MAP3K4: variants seen among roughly 807,000 people sequenced by gnomAD.
The protein encoded by MAP3K4 is mitogen-activated protein kinase kinase kinase 4, also known as MAP three kinase 1.
MAP3K4 carries 67 observed loss-of-function variants against 185.6 expected under a neutral mutation model. The observed-to-expected ratio is 0.36, with a 90% CI of 0.30 to 0.44. The LOEUF is 0.44. Among genes scored for constraint, MAP3K4 ranks in the 20% least tolerant of loss-of-function variants. The pLI is 1.00. For missense variants in MAP3K4, 1,551 were observed against 1,995.1 expected (o/e 0.78, Z 4.24); for synonymous variants, 702 against 710.4 (o/e 0.99, Z 0.19).
rs1777826630 is a variant in MAP3K4, at chr6:161,101,242, G to T, written c.3675-650G>T. ...TCTGGAAAAGCACCTCATTAACTTT[G>T]TTCTTTAATATATTAAGCTTCCTGC... is the stretch of plus-strand genomic sequence containing the variant. On this transcript the variant is annotated intron_variant, in intron 17 of 26. Transcript: ENST00000392142. This position sits in a 1 kb window ranked among gnomAD's most constrained non-coding sequence, Gnocchi z 5.1. 6.6e-6 allele frequency: 1 copy of T among 152,038 alleles called. No homozygotes were observed. Among genetic ancestry groups the T allele is most frequent in the Non-Finnish European group, 1.5e-5 (1 of 67,994 alleles). The allele number at this position is 152,038 out of a possible 1,614,324, so 9.4% of individuals were successfully genotyped here. A position where few individuals can be genotyped will look rare whatever the true frequency, so the allele number is the denominator to read the frequency against.
chr6:160,993,776 CTG>C (rs1444590069), intron 1 of MAP3K4, among the ~76,000 whole-genome samples: 1 of 151,780 alleles, frequency 6.6e-6, no homozygotes, highest in Non-Finnish European at 1.5e-5. Context: ...AGGCTTCTGT[CTG>C]TGTTATAATA....
Position 161,064,732 on chromosome 6 carries a change from A to G in MAP3K4, c.1708-5876A>G, listed in dbSNP as rs2114800077. 6.6e-6 allele frequency among the ~76,000 whole-genome samples: 1 copy of G among 152,334 alleles called. No homozygotes were observed. On this transcript the variant is annotated intron_variant, in intron 3 of 26. Transcript: ENST00000392142. The surrounding 1 kb of genome is among the most constrained non-coding windows in gnomAD (Gnocchi z 4.3). ...TGTAATTACATTGCATGGTCTTAATATAGAATCTCTAAGATGGAGAGCACC... is the reference window on the plus strand; with the variant it reads ...TGTAATTACATTGCATGGTCTTAATGTAGAATCTCTAAGATGGAGAGCACC...
rs756458081 is a variant in MAP3K4, at chr6:161,034,299, G to A, written c.193G>A (p.Glu65Lys). Residue 65 changes from glutamate to lysine, a missense_variant, in exon 2 of 27, where the codon GAA (glutamate) becomes AAA (lysine). Glu to Lys is a moderately conservative substitution (Grantham distance 56). Transcript: ENST00000392142. The surrounding 1 kb of genome is among the most constrained non-coding windows in gnomAD (Gnocchi z 4.4). ...TLGDSACKSP[E>K]SDLEDFSDET... ...GGGAGATTCAGCTTGCAAGAGTCCTGAATCTGATCTAGAAGACTTCTCCGA... is the reference window on the plus strand; with the variant it reads ...GGGAGATTCAGCTTGCAAGAGTCCTAAATCTGATCTAGAAGACTTCTCCGA... The A allele has an allele frequency of 5.0e-6, 8 of 1,613,890 alleles. No individual in the cohort carries two copies.
intron 1 of MAP3K4, among the ~76,000 whole-genome samples, chr6:161,027,270 G>C (rs1161568775): frequency 1.3e-5 from 2 of 152,116 alleles, no homozygotes. Flanking sequence ...AAGAGTTTCT[G>C]GTTTGTTCCT....
chr6:161,020,028 G>A (rs1468707230), intron 1 of MAP3K4, among the ~76,000 whole-genome samples: 2 of 152,120 alleles, frequency 1.3e-5, no homozygotes, highest in East Asian at 1.9e-4. Flanking sequence ...ATGTATGTGG[G>A]TGGGTAGAGG....
intron 1 of MAP3K4, among the ~76,000 whole-genome samples, chr6:161,030,088 T>G (rs1203639593): frequency 6.6e-6 from 1 of 152,158 alleles, no homozygotes; most frequent in Non-Finnish European, 1.5e-5. Context: ...TATGGTTTTC[T>G]CCAGATTTGA....
intron 1 of MAP3K4, among the ~76,000 whole-genome samples, chr6:161,006,186 G>T (rs867267514): frequency 6.6e-6 from 1 of 152,324 alleles, no homozygotes. Context: ...TTCTGAGTTA[G>T]TTTCCATGAT....
chr6:161,081,562 C>T (rs1414930043), intron 6 of MAP3K4, among the ~76,000 whole-genome samples: 5 of 152,132 alleles, frequency 3.3e-5, no homozygotes, highest in Non-Finnish European at 7.3e-5. Flanking sequence ...CACAGACTCT[C>T]TTTATGAATT....
chr6:161,000,694 A>G (rs1373200772), intron 1 of MAP3K4, among the ~76,000 whole-genome samples: 3 of 151,988 alleles, frequency 2.0e-5, no homozygotes, highest in Non-Finnish European at 4.4e-5. Flanking sequence ...TGATATATAT[A>G]CACACATATA....
intron 3 of MAP3K4, among the ~76,000 whole-genome samples, chr6:161,068,521 G>C (rs1402367919): frequency 6.6e-6 from 1 of 152,208 alleles, no homozygotes; most frequent in Non-Finnish European, 1.5e-5. Context: ...CTAAATAAAA[G>C]TGTCTGACAC....
At chr6:161,092,948 AT>A (rs1372474646) in intron 13 of MAP3K4, 29 bp from the exon 14 acceptor site, 1 of 1,391,768 alleles carries the variant, frequency 7.2e-7, no homozygotes, top group African/African-American at 1.4e-5. Context: ...CTTGGTTGTT[AT>A]GTGATTACTG....
In MAP3K4 at chr6:161,086,630, A is replaced by T. The variant is rs1274581924; in HGVS notation, c.2519A>T (p.Asp840Val). 1.2e-6 allele frequency: 2 copies of T among 1,613,964 alleles called. No individual in the cohort carries two copies. The highest frequency in any genetic ancestry group is 1.7e-6 in the Non-Finnish European group (2 of 1,179,982). The change falls in exon 9 of 27, where the codon GAC becomes GTC. Residue 840 changes from aspartate (D) to valine (V), a missense_variant. By Grantham distance (152) the Asp-to-Val change is radical. Transcript: ENST00000392142. The surrounding 1 kb of genome is among the most constrained non-coding windows in gnomAD (Gnocchi z 4.8). ...TTCAGGCTTTCAGCCCCAGTTAGAG[A>T]CCTCCTGGATGTTCTGAAATCAAAA... ...AEFRLSAPVR[D>V]LLDVLKSKQY...
In MAP3K4 at chr6:161,080,647, G is replaced by A; in HGVS notation, c.2098-234G>A. The A allele has an allele frequency of 2.2e-6, 1 of 456,986 alleles. No homozygotes were observed. The highest frequency in any genetic ancestry group is 3.9e-6 in the Non-Finnish European group (1 of 254,984). The allele number at this position is 456,986 out of a possible 1,614,324, so 28.3% of individuals were successfully genotyped here. On this transcript the variant is annotated intron_variant, in intron 5 of 26. Coordinates refer to ENST00000392142, the MANE Select transcript of MAP3K4 (RefSeq NM_005922.4). The surrounding 1 kb of genome is among the most constrained non-coding windows in gnomAD (Gnocchi z 4.8). Reference sequence around the variant, plus strand: ...ACATTTTTGTTGTTAGGATTTTGAAGGGGTTGTCAATAATATGTTAAATTG... The same window carrying A: ...ACATTTTTGTTGTTAGGATTTTGAAAGGGTTGTCAATAATATGTTAAATTG...
intron 1 of MAP3K4, among the ~76,000 whole-genome samples, chr6:161,025,157 CT>C (rs1782583811): frequency 6.6e-6 from 1 of 152,222 alleles, no homozygotes; most frequent in Admixed American, 6.5e-5. Flanking sequence ...GCTCCTGTGT[CT>C]CTGTAACATA....
chr6:161,107,841 G>A lies in MAP3K4; in HGVS notation c.4049-58G>A, dbSNP rs1778157034. On this transcript the variant is annotated intron_variant, in intron 20 of 26. Transcript: ENST00000392142. The surrounding 1 kb of genome is among the most constrained non-coding windows in gnomAD (Gnocchi z 6.2). ...TGGACAGTATTATTACAAGTTTAAG[G>A]AATGTAAGACAGCCCCCTGCAGTGG... The A allele has an allele frequency of 8.7e-7, 1 of 1,143,638 alleles. No homozygotes were observed. Among genetic ancestry groups the A allele is most frequent in the Admixed American group, 1.8e-5 (1 of 54,794 alleles). 70.8% of individuals were successfully genotyped at this position (1,143,638 alleles called of 1,614,324 possible).
At chr6:161,001,888 C>CT (rs1781336831) in intron 1 of MAP3K4, among the ~76,000 whole-genome samples, 1 of 152,060 alleles carries the variant, frequency 6.6e-6, no homozygotes, top group South Asian at 2.1e-4. Context: ...CTTTCTTCCT[C>CT]TTTTTGGGCT....
chr6:161,006,916 AT>A (rs1410224236), intron 1 of MAP3K4, among the ~76,000 whole-genome samples: 3 of 152,222 alleles, frequency 2.0e-5, no homozygotes, highest in Non-Finnish European at 4.4e-5. Flanking sequence ...ATAGAAAAAA[AT>A]AATCAGGTTC....
intron 2 of MAP3K4, among the ~76,000 whole-genome samples, chr6:161,039,050 C>G (rs561143109): frequency 6.6e-6 from 1 of 152,200 alleles, no homozygotes; most frequent in East Asian, 1.9e-4. Flanking sequence ...CTTCTTAGGC[C>G]TTAGCTTCCG....
intron 17 of MAP3K4, among the ~76,000 whole-genome samples, chr6:161,099,927 T>G (rs1415362557): frequency 5.3e-5 from 8 of 152,362 alleles, no homozygotes; most frequent in African/African-American, 1.9e-4. Flanking sequence ...TCAGTAGCAT[T>G]TCATAAGTAT....
Sources: gnomAD v4.1 joint callset for allele counts (sites outside exome capture counted in the v4.1 genomes callset) on GRCh38, gnomAD v4.1.1 for gene constraint, Gnocchi (gnomAD v3.1) non-coding constraint, MANE v1.5 for transcripts, NCBI Gene and HGNC (gene_info 2026-07-23, HGNC 2026-07-21) for gene names.